PRSS1: variants seen among roughly 807,000 people sequenced by gnomAD.
The protein encoded by PRSS1 is serine protease 1, also known as TCR V beta 4.1.
Under a neutral mutation model 24.2 loss-of-function variants are expected in PRSS1, and 22 were observed. The observed-to-expected ratio is 0.91, with a 90% CI of 0.65 to 1.30. PRSS1 has a LOEUF of 1.30. Among genes scored for constraint, PRSS1 ranks in the 50% most tolerant of loss-of-function variants. The pLI, the probability that PRSS1 is intolerant of heterozygous loss-of-function variation, is 0.00. For synonymous variants in PRSS1, 126 were observed against 116.1 expected (o/e 1.08, Z -0.55); for missense variants, 366 against 304.2 (o/e 1.20, Z -1.51).
chr7:142,750,936 A>G, intron 2 of PRSS1: 1 of 776,444 alleles, frequency 1.3e-6, no homozygotes, highest in South Asian at 1.5e-5. Context: ...TGGTCATAAA[A>G]GCAGGCAGGG....
At chr7:142,752,342 C>T (rs1346110130) in intron 3 of PRSS1, 89 bp from the exon 4 acceptor site, 3 of 1,539,092 alleles carry the variant, frequency 1.9e-6, no homozygotes, top group Non-Finnish European at 2.7e-6. Flanking sequence ...GGGCTGTGTT[C>T]CTCTTCAGTT....
rs370882990 is a variant in PRSS1 at position 142,749,574 on chromosome 7, C to T, written c.40+50C>T. 56 of 1,414,388 alleles carry T rather than the reference C, an allele frequency of 4.0e-5. No homozygotes were observed. In the African/African-American group the frequency reaches 4.6e-4, roughly 12 times the overall value. 87.6% of individuals were successfully genotyped at this position (1,414,388 alleles called of 1,614,324 possible). ...CCCCAACCACCCCCCCGTTCCTGGC[C>T]GACAAATGCCCTTCCATTCTTACCA... On this transcript the variant is annotated intron_variant, in intron 1 of 4. Coordinates refer to ENST00000311737, the MANE Select transcript of PRSS1 (RefSeq NM_002769.5).
Position 142,750,587 on chromosome 7 carries a change from G to A in PRSS1, c.73G>A (p.Val25Ile), listed in dbSNP as rs768051473. The A allele has an allele frequency of 1.4e-5, 22 of 1,613,916 alleles. No homozygotes were observed. The highest frequency in any genetic ancestry group is 1.6e-4 in the Middle Eastern group (1 of 6,078). ...AAPFDDDDKI[V>I]GGYNCEENSV... ...CCCCTTTGATGATGATGACAAGATC[G>A]TTGGGGGCTACAACTGTGAGGAGAA... The change falls in exon 2 of 5, where the codon GTT becomes ATT. Residue 25 changes from valine (V) to isoleucine (I), a missense_variant. Physicochemically the swap from Val to Ile is conservative, Grantham distance 29. Transcript: ENST00000311737.
In PRSS1 at chr7:142,749,519, C is replaced by T. The variant is rs772363999; in HGVS notation, c.35C>T (p.Ala12Val). 1.9e-5 allele frequency: 31 copies of T among 1,614,024 alleles called. No individual in the cohort carries two copies. Among genetic ancestry groups the T allele is most frequent in the Non-Finnish European group, 2.6e-5 (31 of 1,180,018 alleles). The change falls in exon 1 of 5, where the codon GCT (alanine) becomes GTT (valine). Residue 12 changes from alanine to valine, a missense_variant. Physicochemically the swap from Ala to Val is moderately conservative, Grantham distance 64. Transcript: ENST00000311737. ...CTCCTGATCCTTACCTTTGTGGCAGCTGCTCGTGAGTATCATGCCCTGCCT... is the reference window on the plus strand; with the variant it reads ...CTCCTGATCCTTACCTTTGTGGCAGTTGCTCGTGAGTATCATGCCCTGCCT... ...NPLLILTFVA[A>V]ALAAPFDDDD...
chr7:142,751,416 T>A (rs969022086), intron 2 of PRSS1: 7 of 573,346 alleles, frequency 1.2e-5, no homozygotes, highest in Middle Eastern at 4.6e-4. Context: ...TGTGCACAGT[T>A]GGCAAAGGCC....
At chr7:142,750,428 C>T (rs1798602544) in intron 1 of PRSS1, 127 bp from the exon 2 acceptor site, 2 of 1,515,718 alleles carry the variant, frequency 1.3e-6, no homozygotes, top group South Asian at 2.3e-5. Flanking sequence ...GGTGGCAGAG[C>T]TCCCTCCCTT....
chr7:142,750,540 C>T lies in PRSS1; in HGVS notation c.41-15C>T, dbSNP rs751894510. On this transcript the variant is annotated splice_polypyrimidine_tract_variant and intron_variant, in intron 1 of 4. Transcript: ENST00000311737. The stretch of plus-strand genomic sequence containing the variant: ...TGCTATTGACTTGCCTTCTCCCTTC[C>T]CATCTCCACTCCAGTTGCTGCCCCC... The T allele has an allele frequency of 1.9e-6, 3 of 1,614,006 alleles. No homozygotes were observed. The highest frequency in any genetic ancestry group is 2.2e-5 in the South Asian group (2 of 91,072).
At chr7:142,751,561 C>G in intron 2 of PRSS1, 2 of 835,840 alleles carry the variant, frequency 2.4e-6, no homozygotes, top group Middle Eastern at 6.7e-4. Context: ...GACTCTTCCC[C>G]ACCCCACTAC....
In PRSS1 at chr7:142,753,003, A is replaced by G. The variant is rs1204423444; in HGVS notation, c.727A>G (p.Ile243Val). 6.2e-7 allele frequency: 1 copy of G among 1,613,660 alleles called. No homozygotes were observed. The highest frequency in any genetic ancestry group is 8.5e-7 in the Non-Finnish European group (1 of 1,179,872). Reference protein sequence around the residue: ...YNYVKWIKNTIAANS With the variant: ...YNYVKWIKNTVAANS ...CTATGTGAAATGGATTAAGAACACC[A>G]TAGCTGCCAATAGCTAAAGCCCCCA... The change falls in exon 5 of 5, where the codon ATA (isoleucine) becomes GTA (valine). Residue 243 changes from isoleucine to valine, a missense_variant. Ile to Val is a conservative substitution (Grantham distance 29). Transcript: ENST00000311737.
At chr7:142,751,610 C>T (rs1377219032) in intron 2 of PRSS1, 164 bp from the exon 3 acceptor site, 1 of 1,152,398 alleles carries the variant, frequency 8.7e-7, no homozygotes, top group African/African-American at 2.4e-5. Flanking sequence ...GGTCTCATAC[C>T]TTCACTGACC....
chr7:142,750,498 G>A, intron 1 of PRSS1, 57 bp from the exon 2 acceptor site: 8 of 1,612,074 alleles, frequency 5.0e-6, no homozygotes, highest in Admixed American at 1.7e-5. Context: ...CACAGGCTGG[G>A]AGCGCCACCC....
At position 142,753,016 on chromosome 7, in the gene PRSS1, G is replaced by T. The variant is rs1479014593; in HGVS notation, c.740G>T (p.Ser247Ile). The T allele has an allele frequency of 6.2e-7, 1 of 1,613,430 alleles. No homozygotes were observed. The highest frequency in any genetic ancestry group is 2.2e-5 in the East Asian group (1 of 44,860). ...ATTAAGAACACCATAGCTGCCAATAGCTAAAGCCCCCAGTATCTCTTCAGT... is the reference window on the plus strand; with the variant it reads ...ATTAAGAACACCATAGCTGCCAATATCTAAAGCCCCCAGTATCTCTTCAGT... ...KWIKNTIAAN[S>I] The change falls in exon 5 of 5, where the codon AGC becomes ATC. Residue 247 changes from serine (S) to isoleucine (I), a missense_variant. Physicochemically the swap from Ser to Ile is moderately radical, Grantham distance 142. Coordinates refer to ENST00000311737, the MANE Select transcript of PRSS1 (RefSeq NM_002769.5).
intron 2 of PRSS1, 42 bp downstream of exon 2, chr7:142,750,756 G>T (rs766182361): frequency 1.2e-6 from 2 of 1,613,316 alleles, no homozygotes; most frequent in Non-Finnish European, 1.7e-6. Context: ...CGGCCAGTCT[G>T]CCTGGGAGAG....
chr7:142,751,238 A>T, intron 2 of PRSS1: 1 of 625,202 alleles, frequency 1.6e-6, no homozygotes, highest in South Asian at 1.9e-5. Context: ...TTAAGGCACA[A>T]ATCACTGGGC....
At chr7:142,750,384 G>A (rs978080310) in intron 1 of PRSS1, among the ~76,000 whole-genome samples, 171 bp from the exon 2 acceptor site, 1 of 146,820 alleles carries the variant, frequency 6.8e-6, no homozygotes, top group African/African-American at 2.5e-5. Context: ...CAGGCACAGA[G>A]ACTTGGGAGC....
At chr7:142,750,439 G>T in intron 1 of PRSS1, 116 bp from the exon 2 acceptor site, 3 of 1,566,982 alleles carry the variant, frequency 1.9e-6, no homozygotes, top group Non-Finnish European at 2.6e-6. Flanking sequence ...TCCCTCCCTT[G>T]CCTAGCCTCA....
chr7:142,750,788 T>A, intron 2 of PRSS1, 74 bp downstream of exon 2: 3 of 1,603,134 alleles, frequency 1.9e-6, no homozygotes, highest in Non-Finnish European at 2.6e-6. Context: ...CCCAGGGAAC[T>A]ACTGAGGTTG....
At chr7:142,751,191 C>T (rs369844822) in intron 2 of PRSS1, 7 of 675,314 alleles carry the variant, frequency 1.0e-5, no homozygotes, top group African/African-American at 1.8e-5. Flanking sequence ...CAAGAACTCT[C>T]AAACCTGAGT....
intron 1 of PRSS1, among the ~76,000 whole-genome samples, chr7:142,750,263 C>A (rs139037151): frequency 6.6e-6 from 1 of 152,196 alleles, no homozygotes; most frequent in Admixed American, 6.5e-5. Context: ...GAGACAACCA[C>A]ATCCCAACTC....
Sources: allele counts gnomAD v4.1 joint callset (sites outside exome capture counted in the v4.1 genomes callset), GRCh38; gene constraint gnomAD v4.1.1; transcripts MANE v1.5; gene names NCBI Gene and HGNC (gene_info 2026-07-23, HGNC 2026-07-21).